Variants in PKIG observed in about 807,000 individuals in gnomAD.
The protein encoded by PKIG is protein kinase (cAMP-dependent, catalytic) inhibitor gamma.
A neutral mutation model predicts 6.8 loss-of-function variants in PKIG; 1 was observed. The observed-to-expected ratio is 0.15, with a 90% confidence interval of 0.05 to 0.69. PKIG has a LOEUF of 0.69. Ranked by LOEUF, PKIG falls within the 30% of genes least tolerant of loss-of-function variation. The probability of loss-of-function intolerance (pLI) is 0.82; values close to 1 mark genes in which losing one functional copy is unlikely to be tolerated. For missense variants in PKIG, 77 were observed against 104.0 expected (o/e 0.74, Z 1.13); for synonymous variants, 39 against 43.0 (o/e 0.91, Z 0.36).
chr20:44,581,955 G>T (rs2064951885), upstream of PKIG, among the ~76,000 whole-genome samples: 1 of 152,198 alleles, frequency 6.6e-6, no homozygotes, highest in African/African-American at 2.4e-5. Flanking sequence ...GGAAACTGAG[G>T]TCCAGAGAGG....
At chr20:44,605,227 A>T (rs905649954) in intron 2 of PKIG, among the ~76,000 whole-genome samples, 3 of 151,908 alleles carry the variant, frequency 2.0e-5, no homozygotes, top group African/African-American at 7.3e-5. Context: ...GACACGGTGA[A>T]ACCCCGTCTC....
At chr20:44,557,122 A>G (rs1440891832) in intron 1 of PKIG, among the ~76,000 whole-genome samples, 3 of 152,226 alleles carry the variant, frequency 2.0e-5, no homozygotes, top group Non-Finnish European at 2.9e-5. Flanking sequence ...AGAGTAATCT[A>G]TACTTAATGA....
At chr20:44,532,472 A>G (rs999690409) in intron 1 of PKIG, among the ~76,000 whole-genome samples, 2 of 152,142 alleles carry the variant, frequency 1.3e-5, no homozygotes, top group Non-Finnish European at 2.9e-5. Context: ...CTACTACTAC[A>G]AGGAGGACCA....
At chr20:44,616,164 C>T (rs1225623012) in intron 3 of PKIG, among the ~76,000 whole-genome samples, 1 of 152,172 alleles carries the variant, frequency 6.6e-6, no homozygotes, top group African/African-American at 2.4e-5. Flanking sequence ...TGGCTGGGTT[C>T]TCTTCATTCT....
intron 1 of PKIG, among the ~76,000 whole-genome samples, chr20:44,556,429 C>T (rs1249851716): frequency 1.3e-5 from 2 of 152,162 alleles, no homozygotes; most frequent in African/African-American, 4.8e-5. Flanking sequence ...GTGGCGCGAT[C>T]TCGGCTCACT....
chr20:44,566,280 A>G (rs1386524349), intron 1 of PKIG, among the ~76,000 whole-genome samples: 3 of 152,208 alleles, frequency 2.0e-5, no homozygotes, highest in African/African-American at 7.2e-5. Context: ...TTGAGTAGTT[A>G]CCACAGAGAC....
intron 1 of PKIG, among the ~76,000 whole-genome samples, chr20:44,548,703 T>A (rs900318651): frequency 6.6e-6 from 1 of 152,188 alleles, no homozygotes; most frequent in African/African-American, 2.4e-5. Flanking sequence ...TAAAGATAGC[T>A]CTGTCATCCA....
intron 2 of PKIG, among the ~76,000 whole-genome samples, chr20:44,606,757 C>T (rs147876036): frequency 5.9e-5 from 9 of 152,250 alleles, no homozygotes; most frequent in African/African-American, 1.4e-4. Flanking sequence ...TGCAGTGAGC[C>T]GAGACCATGC....
chr20:44,616,195 C>T (rs2065262916), intron 3 of PKIG, among the ~76,000 whole-genome samples: 1 of 152,186 alleles, frequency 6.6e-6, no homozygotes, highest in African/African-American at 2.4e-5. Flanking sequence ...GGCATCTGCT[C>T]AGCTGAGAAG....
At chr20:44,577,235 G>T (rs1005868039) in intron 1 of PKIG, among the ~76,000 whole-genome samples, 1 of 151,784 alleles carries the variant, frequency 6.6e-6, no homozygotes, top group African/African-American at 2.4e-5. Context: ...TCAGCCTCCC[G>T]AGTAGCTGGG....
chr20:44,555,901 C>T (rs542523126), intron 1 of PKIG, among the ~76,000 whole-genome samples: 3 of 152,226 alleles, frequency 2.0e-5, no homozygotes, highest in Non-Finnish European at 2.9e-5. Flanking sequence ...AGTGCAATGG[C>T]GTGATCTCTG....
chr20:44,559,377 A>C (rs1053797553), intron 1 of PKIG, among the ~76,000 whole-genome samples: 1 of 152,212 alleles, frequency 6.6e-6, no homozygotes, highest in African/African-American at 2.4e-5. Flanking sequence ...AAATGACTTC[A>C]TGGTTGTATC....
chr20:44,542,411 T>TAAA (rs952276150), intron 1 of PKIG, among the ~76,000 whole-genome samples: 13 of 145,366 alleles, frequency 8.9e-5, no homozygotes, highest in Non-Finnish European at 2.0e-4. Flanking sequence ...GAATGAAACT[T>TAAA]AAAAAAAAAA....
intron 2 of PKIG, among the ~76,000 whole-genome samples, chr20:44,596,572 G>T (rs1390010628): frequency 1.3e-5 from 2 of 152,242 alleles, no homozygotes; most frequent in African/African-American, 4.8e-5. Context: ...TGCTCTTCCA[G>T]GTTCCAAGGG....
At chr20:44,536,534 G>A (rs1437546604) in intron 1 of PKIG, among the ~76,000 whole-genome samples, 8 of 152,196 alleles carry the variant, frequency 5.3e-5, no homozygotes, top group African/African-American at 1.4e-4. Flanking sequence ...AGGGAGAGAG[G>A]AGTGGAAGAT....
intron 1 of PKIG, among the ~76,000 whole-genome samples, chr20:44,572,619 C>G (rs915042308): frequency 6.6e-5 from 10 of 152,156 alleles, no homozygotes; most frequent in Non-Finnish European, 1.3e-4. Flanking sequence ...CAAAGCACCA[C>G]TTACTTGAAG....
intron 1 of PKIG, among the ~76,000 whole-genome samples, chr20:44,559,816 A>C (rs1476385982): frequency 6.6e-6 from 1 of 152,224 alleles, no homozygotes; most frequent in Admixed American, 6.5e-5. Flanking sequence ...ACTGCTGCAA[A>C]GAAAATTATT....
At chr20:44,548,762 GTTTTC>G (rs2064639503) in intron 1 of PKIG, among the ~76,000 whole-genome samples, 1 of 151,726 alleles carries the variant, frequency 6.6e-6, no homozygotes, top group Non-Finnish European at 1.5e-5. Flanking sequence ...TAGAAAATCA[GTTTTC>G]TTTTAAGACT....
At chr20:44,567,400 C>T (rs1020943202) in intron 1 of PKIG, among the ~76,000 whole-genome samples, 5 of 152,238 alleles carry the variant, frequency 3.3e-5, no homozygotes, top group Admixed American at 3.3e-4. Context: ...CAGGGCATTT[C>T]TACCTTTTGG....
Sources: allele counts gnomAD v4.1 joint callset (sites outside exome capture counted in the v4.1 genomes callset), GRCh38; gene constraint gnomAD v4.1.1; transcripts MANE v1.5; gene names NCBI Gene and HGNC (gene_info 2026-07-23, HGNC 2026-07-21).